IHO1: variants seen among roughly 807,000 people sequenced by gnomAD.
IHO1 encodes interactor of HORMAD1 1.
A neutral mutation model predicts 31.0 loss-of-function variants in IHO1; 13 were observed. The ratio of observed to expected loss-of-function variants is 0.42; its 90% CI spans 0.27 to 0.67. The LOEUF (loss-of-function observed/expected upper bound fraction) is 0.67, where lower values mean the gene tolerates loss of function less well. Ranked by LOEUF, IHO1 falls within the 30% of genes least tolerant of loss-of-function variation. IHO1 has a pLI of 0.24. For synonymous variants in IHO1, 221 were observed against 248.4 expected, an observed-to-expected ratio of 0.89 and a Z score of 1.04; for missense variants, 599 against 687.5, an observed-to-expected ratio of 0.87 and a Z score of 1.44.
intron 2 of IHO1, among the ~76,000 whole-genome samples, chr3:49,220,898 A>G (rs2046347201): frequency 6.6e-6 from 1 of 152,146 alleles, no homozygotes; most frequent in Admixed American, 6.5e-5. Context: ...GCGTGGACCC[A>G]AAGAGTGAGC....
At chr3:49,191,886 G>A in the IHO1 span, 21 of 950,012 alleles carry the variant, frequency 2.2e-5, no homozygotes, top group African/African-American at 3.2e-4. Context: ...AGGGAAGGTT[G>A]TGACTGCACA....
At position 49,256,011 on chromosome 3, in the gene IHO1, G is replaced by C. The variant is rs1054313772; in HGVS notation, c.637-123G>C. The C allele has an allele frequency of 2.3e-4, 186 of 823,288 alleles. No individual in the cohort carries two copies. The highest frequency in any genetic ancestry group is 2.6e-4 in the Non-Finnish European group (136 of 515,742). The allele number at this position is 823,288 out of a possible 1,614,324, so 51.0% of individuals were successfully genotyped here. On this transcript the variant is annotated intron_variant, in intron 7 of 7. Transcript: ENST00000452691. The surrounding 1 kb of genome is among the most constrained non-coding windows in gnomAD (Gnocchi z 4.6). ...CCGAGTGTAATTGTGCTTACCCTGA[G>C]AGGTTCCCTACAAGGAGCAAGCCTT...
chr3:49,207,396 C>T (rs981473266), intron 1 of IHO1, among the ~76,000 whole-genome samples: 6 of 151,692 alleles, frequency 4.0e-5, no homozygotes, highest in African/African-American at 1.2e-4. Context: ...CAGGTGCATG[C>T]CACCACGCCT....
At position 49,211,831 on chromosome 3, in the gene IHO1, C is replaced by A. The variant is rs780848556; in HGVS notation, c.51C>A (p.Gly17=). The A allele has an allele frequency of 1.9e-6, 3 of 1,566,802 alleles. No individual in the cohort carries two copies. Among genetic ancestry groups the A allele is most frequent in the Admixed American group, 3.3e-5 (2 of 59,854 alleles). The change falls in exon 2 of 8, where the codon GGC becomes GGA. Residue 17 remains glycine (G), a synonymous_variant. Transcript: ENST00000452691. ...NIKEMLSIPS[G]SGNKKSSNWN... Reference sequence around the variant, plus strand: ...AAGAGATGCTCAGTATTCCTTCAGGCTCTGGGTAAGTTTTCTGGTTATATT... The same window carrying A: ...AAGAGATGCTCAGTATTCCTTCAGGATCTGGGTAAGTTTTCTGGTTATATT...
At chr3:49,195,158 G>A (rs1259518838), upstream of IHO1, among the ~76,000 whole-genome samples, 2 of 152,204 alleles carry the variant, frequency 1.3e-5, no homozygotes, top group South Asian at 2.1e-4. Flanking sequence ...AGTGGCTCTT[G>A]CCTGTAATCC....
chr3:49,236,823 T>C, intron 3 of IHO1, 101 bp downstream of exon 3: 1 of 1,123,746 alleles, frequency 8.9e-7, no homozygotes, highest in South Asian at 1.7e-5. Context: ...GGCTGACACC[T>C]GTAATCCCTG....
rs2046657413 is a variant in IHO1, at chr3:49,243,594, T to TTCA, written c.396-810_396-809insTCA. On this transcript the variant is annotated intron_variant, in intron 4 of 7. Transcript: ENST00000452691. ...TAACACGATGAAACCCCGTCTCTACTAAAAATTCAAAAAATTAGCCGGGCG... is the reference window on the plus strand; with the variant it reads ...TAACACGATGAAACCCCGTCTCTACTTCAAAAAATTCAAAAAATTAGCCGGGCG... Among the ~76,000 whole-genome samples the TTCA allele has an allele frequency of 1.3e-4, 19 of 151,470 alleles. 1 individual carries two copies. The highest frequency in any genetic ancestry group is 1.2e-3 in the Admixed American group (19 of 15,232).
At position 49,256,498 on chromosome 3, in the gene IHO1, C is replaced by T. The variant is rs537002321; in HGVS notation, c.1001C>T (p.Ala334Val). The part of the protein sequence containing the change: ...GAKNDDLQEE[A>V]ALPAFGSHER... ...AAGAATGATGATCTCCAAGAAGAGG[C>T]TGCACTGCCAGCATTTGGGTCCCAT... is the stretch of plus-strand genomic sequence containing the variant. Residue 334 changes from alanine (A) to valine (V), a missense_variant, in exon 8 of 8, where the codon GCT becomes GTT. By Grantham distance (64) the Ala-to-Val change is moderately conservative. Transcript: ENST00000452691. This position sits in a 1 kb window ranked among gnomAD's most constrained non-coding sequence, Gnocchi z 4.6. 76 of 1,614,042 alleles carry T rather than the reference C, an allele frequency of 4.7e-5. No homozygotes were observed. The highest frequency in any genetic ancestry group is 6.2e-5 in the Non-Finnish European group (73 of 1,180,040).
At chr3:49,206,663 A>T (rs999384188) in intron 1 of IHO1, among the ~76,000 whole-genome samples, 1 of 152,150 alleles carries the variant, frequency 6.6e-6, no homozygotes. Flanking sequence ...AGAATGCCTA[A>T]TCTCCTGAGA....
rs766951621 is a variant in IHO1 at position 49,256,765 on chromosome 3, A to G, written c.1268A>G (p.Glu423Gly). Residue 423 changes from glutamate to glycine, a missense_variant, in exon 8 of 8, where the codon GAA becomes GGA. Glu to Gly is a moderately conservative substitution (Grantham distance 98, BLOSUM62 -2). Coordinates refer to ENST00000452691, the MANE Select transcript of IHO1 (RefSeq NM_001135197.2). This position sits in a 1 kb window ranked among gnomAD's most constrained non-coding sequence, Gnocchi z 4.6. Reference protein sequence around the residue: ...AQSMFLCDPREHLVIKQKDGT... With the variant: ...AQSMFLCDPRGHLVIKQKDGT... ...AGTATGTTTTTGTGTGACCCACGTG[A>G]ACATTTGGTGATTAAACAGAAAGAT... 2 of 1,614,258 alleles carry G rather than the reference A, an allele frequency of 1.2e-6. No individual in the cohort carries two copies. Among genetic ancestry groups the G allele is most frequent in the East Asian group, 4.5e-5 (2 of 44,894 alleles).
At position 49,251,847 on chromosome 3, in the gene IHO1, C is replaced by T. The variant is rs150736229; in HGVS notation, c.533-3543C>T. On this transcript the variant is annotated intron_variant, in intron 6 of 7. Coordinates refer to ENST00000452691, the MANE Select transcript of IHO1 (RefSeq NM_001135197.2). ...AAACTCCTGATCTCAGCTGATCTGC[C>T]CGCGTCGGCCACCCGAAGTGCTGGG... 5.3e-3 allele frequency among the ~76,000 whole-genome samples: 812 copies of T among 151,954 alleles called. 6 individuals carry two copies. Among genetic ancestry groups the T allele is most frequent in the African/African-American group, 0.018 (766 of 41,416 alleles).
intron 2 of IHO1, among the ~76,000 whole-genome samples, chr3:49,212,424 G>A (rs1290905679): frequency 1.3e-5 from 2 of 151,088 alleles, no homozygotes; most frequent in Non-Finnish European, 2.9e-5. Context: ...GCTGAGGCAG[G>A]AGAACTGCTT....
intron 6 of IHO1, chr3:49,245,808 A>AACTGTCTGCATAGAAGCACTGT (rs950137311): frequency 6.6e-6 from 1 of 152,186 alleles, no homozygotes; most frequent in African/African-American, 2.4e-5. Context: ...ATTAATCCCC[A>AACTGTCTGCATAGAAGCACTGT]ACTGTCTGCA....
intron 2 of IHO1, among the ~76,000 whole-genome samples, chr3:49,233,697 GAACAGGCCCCCAAATCTGGCCATA>G (rs1237255021): frequency 6.6e-6 from 1 of 152,162 alleles, no homozygotes; most frequent in Non-Finnish European, 1.5e-5. Flanking sequence ...GACATGTTGG[GAACAGGCCCCCAAATCTGGCCATA>G]AACAGGCCCC....
At chr3:49,244,153 C>T (rs2046666471) in intron 4 of IHO1, among the ~76,000 whole-genome samples, 1 of 151,984 alleles carries the variant, frequency 6.6e-6, no homozygotes, top group African/African-American at 2.4e-5. Context: ...CGGGGTTTCA[C>T]TGTCTTGGCC....
rs1022168862 is a variant in IHO1 at position 49,257,578 on chromosome 3, C to T, written c.*296C>T. The T allele has an allele frequency of 2.8e-5, 9 of 322,868 alleles. No homozygotes were observed. In the East Asian group the frequency reaches 3.2e-4, roughly 12 times the overall value. 20.0% of individuals were successfully genotyped at this position (322,868 alleles called of 1,614,324 possible). ...CTGGAGCAGGGTGCCTGTACTTTGG[C>T]GAAAGGCAGGCAGGCCTCCTTATGG... On this transcript the variant is annotated 3_prime_UTR_variant, in exon 8 of 8. Transcript: ENST00000452691.
At chr3:49,202,931 C>T (rs2046089241) in intron 1 of IHO1, among the ~76,000 whole-genome samples, 2 of 146,636 alleles carry the variant, frequency 1.4e-5, no homozygotes. Flanking sequence ...GGCGCAATCT[C>T]GGCTCACTGC....
chr3:49,210,359 C>T (rs934335953), intron 1 of IHO1, among the ~76,000 whole-genome samples: 1 of 152,000 alleles, frequency 6.6e-6, no homozygotes, highest in African/African-American at 2.4e-5. Context: ...ATCTCAGCCT[C>T]CCAAGTAGGT....
Position 49,241,208 on chromosome 3 carries a change from A to G in IHO1, c.232-18A>G, listed in dbSNP as rs770701362. The G allele has an allele frequency of 1.3e-6, 2 of 1,573,736 alleles. No homozygotes were observed. The highest frequency in any genetic ancestry group is 1.2e-5 in the South Asian group (1 of 85,270). On this transcript the variant is annotated intron_variant, in intron 3 of 7. Coordinates refer to ENST00000452691, the MANE Select transcript of IHO1 (RefSeq NM_001135197.2). ...TATTTTTATGTGTGAAATGCTATAT[A>G]TTTTTTTCATTTAACAGGGTGAACC...
Sources: gnomAD v4.1 joint callset for allele counts (sites outside exome capture counted in the v4.1 genomes callset) on GRCh38, gnomAD v4.1.1 for gene constraint, Gnocchi (gnomAD v3.1) non-coding constraint, MANE v1.5 for transcripts, NCBI Gene and HGNC (gene_info 2026-07-23, HGNC 2026-07-21) for gene names.